The following C19orf67 variants were observed in gnomAD, a reference collection of about 807,000 sequenced individuals.
C19orf67 encodes chromosome 19 open reading frame 67.
In C19orf67, 28 loss-of-function variants were observed where a neutral mutation model predicts 41.4. The ratio of observed to expected loss-of-function variants is 0.68; its 90% CI spans 0.50 to 0.93. C19orf67 has a LOEUF of 0.93. Among genes scored for constraint, C19orf67 ranks in the 40% least tolerant of loss-of-function variants. The pLI is 0.00. For missense variants in C19orf67, 421 were observed against 467.0 expected (o/e 0.90, Z 0.91); for synonymous variants, 242 against 203.4 (o/e 1.19, Z -1.62).
rs1241939079 is a variant in C19orf67 at position 14,083,291 on chromosome 19, TGCC to T, written c.710_712del (p.Trp237_His238delinsTyr). On this transcript the variant is annotated inframe_deletion, in exon 4 of 6. Transcript: ENST00000548523. ...AGGGGCCTCTGGGGTGGCTTCCAGG[TGCC>T]AGCGCATCTTCTTATAGAGGTAGCG... 6.5e-7 allele frequency: 1 copy of T among 1,536,054 alleles called. No homozygotes were observed. Among genetic ancestry groups the T allele is most frequent in the South Asian group, 1.2e-5 (1 of 84,056 alleles).
intron 4 of C19orf67, among the ~76,000 whole-genome samples, 193 bp from the exon 5 acceptor site, chr19:14,082,796 G>A (rs1297103032): frequency 6.6e-6 from 1 of 151,952 alleles, no homozygotes; most frequent in East Asian, 1.9e-4. Context: ...GTGGGAGGGT[G>A]GGTTTTAAGA....
intron 1 of C19orf67, among the ~76,000 whole-genome samples, chr19:14,084,109 C>CTG (rs140690816): frequency 0.035 from 5,394 of 152,236 alleles, 294 homozygotes; most frequent in African/African-American, 0.11. Flanking sequence ...CCAGAGCTTC[C>CTG]TGCAGGGTCT....
intron 5 of C19orf67, 145 bp downstream of exon 5, chr19:14,082,324 G>A: frequency 4.5e-6 from 4 of 895,272 alleles, no homozygotes; most frequent in Non-Finnish European, 6.6e-6. Flanking sequence ...TGTTACTGGG[G>A]TCTGCATGAA....
rs1344832507 is a variant in C19orf67, at chr19:14,085,334, T to C, written c.294A>G (p.Leu98=). 6.5e-7 allele frequency: 1 copy of C among 1,536,160 alleles called. No homozygotes were observed. Among genetic ancestry groups the C allele is most frequent in the South Asian group, 1.2e-5 (1 of 84,058 alleles). The change falls in exon 1 of 6, where the codon CTA becomes CTG. Residue 98 remains leucine, a synonymous_variant. Transcript: ENST00000548523. ...TCTGGAAATCATCTGCCTTCTTCAG[T>C]AGGTAGCGCAGCTGTTGGGTGATGG... ...FSPITQQLRY[L]LKKADDFQSY... is the part of the protein sequence containing the mutation.
rs1458352361 is a variant in C19orf67, at chr19:14,085,524, G to C, written c.104C>G (p.Ser35Cys). 6.5e-7 allele frequency: 1 copy of C among 1,535,454 alleles called. No homozygotes were observed. Among genetic ancestry groups the C allele is most frequent in the East Asian group, 2.4e-5 (1 of 40,902 alleles). The change falls in exon 1 of 6, where the codon TCC (serine) becomes TGC (cysteine). Residue 35 changes from serine to cysteine, a missense_variant. Ser to Cys is a moderately radical substitution (Grantham distance 112). Around this residue, in one of 3 missense-constraint regions of C19orf67, gnomAD observed 160 missense variants for 139.2 expected, o/e 1.15. Coordinates refer to ENST00000548523, the MANE Select transcript of C19orf67 (RefSeq NM_001277378.2). ...EPGTPPCGDP[S>C]RSTPPGRPGN... ...AGGCCTGCCAGGGGGCGTCGACCTG[G>C]AGGGGTCTCCGCAGGGCGGCGTCCC...
chr19:14,083,918 C>T (rs759817882), intron 1 of C19orf67, 41 bp from the exon 2 acceptor site: 9 of 1,288,412 alleles, frequency 7.0e-6, no homozygotes, highest in East Asian at 2.9e-5. Context: ...TCCCTCACAA[C>T]CCCTCCCCAC....
In C19orf67 at chr19:14,085,400, C is replaced by T; in HGVS notation, c.228G>A (p.Gly76=). 6.5e-7 allele frequency: 1 copy of T among 1,536,126 alleles called. No individual in the cohort carries two copies. The highest frequency in any genetic ancestry group is 8.7e-7 in the Non-Finnish European group (1 of 1,146,902). The change falls in exon 1 of 6, where the codon GGG becomes GGA. Residue 76 remains glycine, a synonymous_variant. Coordinates refer to ENST00000548523, the MANE Select transcript of C19orf67 (RefSeq NM_001277378.2). ...CCAGGGATAGGCGGGGAGGTGCTGG[C>T]CCAGGCCGGGGGACCAGAGGTTTGG... The part of the protein sequence containing the change: ...SSPKPLVPRP[G]PAPPRLSLDT...
Position 14,081,831 on chromosome 19 carries a change from G to A in C19orf67, c.*3C>T. The A allele has an allele frequency of 6.6e-7, 1 of 1,518,758 alleles. No homozygotes were observed. The highest frequency in any genetic ancestry group is 8.8e-7 in the Non-Finnish European group (1 of 1,138,668). 94.1% of individuals were successfully genotyped at this position (1,518,758 alleles called of 1,614,324 possible). A position where few individuals can be genotyped will look rare whatever the true frequency, so the allele number is the denominator to read the frequency against. ...GTTCCAGCTCCTACCCTCTTCCCCA[G>A]GTTCAAGACCCCTGCGCTGCCCACC... On this transcript the variant is annotated 3_prime_UTR_variant, in exon 6 of 6. Coordinates refer to ENST00000548523, the MANE Select transcript of C19orf67 (RefSeq NM_001277378.2).
At position 14,083,752 on chromosome 19, in the gene C19orf67, T is replaced by C; in HGVS notation, c.461A>G (p.Gln154Arg). The C allele has an allele frequency of 6.9e-7, 1 of 1,442,916 alleles. No homozygotes were observed. Among genetic ancestry groups the C allele is most frequent in the East Asian group, 2.5e-5 (1 of 39,974 alleles). The allele number at this position is 1,442,916 out of a possible 1,614,324, so 89.4% of individuals were successfully genotyped here. A position where few individuals can be genotyped will look rare whatever the true frequency, so the allele number is the denominator to read the frequency against. ...RSIPPIYGPL[Q>R]ELVRKGLLEI... ...ACACACCCCCTTTCGGACCAGCTCC[T>C]GCAGGGGTCCATAGATGGGGGGTAT... The change falls in exon 2 of 6, where the codon CAG becomes CGG. Residue 154 changes from glutamine (Q) to arginine (R), a missense_variant. Around this residue, in one of 3 missense-constraint regions of C19orf67, gnomAD observed 253 missense variants for 307.0 expected, o/e 0.82. Transcript: ENST00000548523.
At position 14,083,595 on chromosome 19, in the gene C19orf67, A is replaced by G. The variant is rs953718393; in HGVS notation, c.491T>C (p.Ile164Thr). ...CAGGCGCAGGGTCAGCTGTTGGGAG[A>G]TCTCTAACAGCTGCATACAAGAGGG... ...QELVRKGLLE[I>T]SQQLTLRLEQ... The change falls in exon 3 of 6, where the codon ATC (isoleucine) becomes ACC (threonine). Residue 164 changes from isoleucine (I) to threonine (T), a missense_variant. Around this residue, in one of 3 missense-constraint regions of C19orf67, gnomAD observed 253 missense variants for 307.0 expected, o/e 0.82. Coordinates refer to ENST00000548523, the MANE Select transcript of C19orf67 (RefSeq NM_001277378.2). 6.5e-7 allele frequency: 1 copy of G among 1,535,766 alleles called. No homozygotes were observed. The highest frequency in any genetic ancestry group is 8.7e-7 in the Non-Finnish European group (1 of 1,146,734).
intron 1 of C19orf67, among the ~76,000 whole-genome samples, chr19:14,084,438 C>T (rs1361972465): frequency 6.6e-6 from 1 of 150,758 alleles, no homozygotes; most frequent in African/African-American, 2.4e-5. Flanking sequence ...ACCTGGGAGG[C>T]GGAGGTTGCA....
chr19:14,083,570 C>T lies in C19orf67; in HGVS notation c.516G>A (p.Leu172=). 1.3e-6 allele frequency: 2 copies of T among 1,536,086 alleles called. No homozygotes were observed. Among genetic ancestry groups the T allele is most frequent in the Non-Finnish European group, 8.7e-7 (1 of 1,146,892 alleles). Reference sequence around the variant, plus strand: ...AAGCGTACATGAGGACCAGCTGTTCCAGGCGCAGGGTCAGCTGTTGGGAGA... The same window carrying T: ...AAGCGTACATGAGGACCAGCTGTTCTAGGCGCAGGGTCAGCTGTTGGGAGA... ...LEISQQLTLR[L]EQLVLMYASF... The change falls in exon 3 of 6, where the codon CTG becomes CTA. Residue 172 remains leucine, a synonymous_variant. Coordinates refer to ENST00000548523, the MANE Select transcript of C19orf67 (RefSeq NM_001277378.2).
chr19:14,083,620 G>A lies in C19orf67; in HGVS notation c.481-15C>T, dbSNP rs536038600. 5.9e-6 allele frequency: 9 copies of A among 1,535,018 alleles called. No individual in the cohort carries two copies. Among genetic ancestry groups the A allele is most frequent in the African/African-American group, 1.4e-5 (1 of 73,012 alleles). On this transcript the variant is annotated splice_polypyrimidine_tract_variant and intron_variant, in intron 2 of 5. Coordinates refer to ENST00000548523, the MANE Select transcript of C19orf67 (RefSeq NM_001277378.2). ...ATCTCTAACAGCTGCATACAAGAGG[G>A]GGGTACAGTGAGATCAGCTGGCCTG...
At chr19:14,083,707 G>T in intron 2 of C19orf67, 26 bp downstream of exon 2, 2 of 1,487,306 alleles carry the variant, frequency 1.3e-6, no homozygotes, top group Non-Finnish European at 1.8e-6. Context: ...AGAAAGGGGC[G>T]TGGGGTCTAA....
chr19:14,082,358 T>A, intron 5 of C19orf67, 111 bp downstream of exon 5: 1 of 1,235,958 alleles, frequency 8.1e-7, no homozygotes, highest in East Asian at 2.6e-5. Flanking sequence ...CACAATAAAA[T>A]GCTATCACTA....
rs1976840568 is a variant in C19orf67 at position 14,085,427 on chromosome 19, G to A, written c.201C>T (p.Ser67=). The A allele has an allele frequency of 3.3e-6, 5 of 1,535,800 alleles. No homozygotes were observed. The change falls in exon 1 of 6, where the codon TCC becomes TCT. Residue 67 remains serine, a synonymous_variant. Coordinates refer to ENST00000548523, the MANE Select transcript of C19orf67 (RefSeq NM_001277378.2). ...CAGGCCGGGGGACCAGAGGTTTGGG[G>A]GAAGACGTGGAGGCCCGGGCCTCAG... The part of the protein sequence containing the change: ...RLAEARASTS[S]PKPLVPRPGP...
In C19orf67 at chr19:14,083,254, T is replaced by C; in HGVS notation, c.750A>G (p.Gln250=). 2 of 1,536,054 alleles carry C rather than the reference T, an allele frequency of 1.3e-6. No individual in the cohort carries two copies. The highest frequency in any genetic ancestry group is 1.7e-6 in the Non-Finnish European group (2 of 1,146,898). ...EATPEAPGRG[Q]DSLVDYYFLC... is the part of the protein sequence containing the mutation. ...GGACTTACTAATCCACAAGGGAATC[T>C]TGTCCCCGACCAGGGGCCTCTGGGG... The change falls in exon 4 of 6, where the codon CAA becomes CAG. Residue 250 remains glutamine, a synonymous_variant. Coordinates refer to ENST00000548523, the MANE Select transcript of C19orf67 (RefSeq NM_001277378.2).
In C19orf67 at chr19:14,083,248, G is replaced by A. The variant is rs1976796015; in HGVS notation, c.756C>T (p.Ser252=). The A allele has an allele frequency of 6.5e-7, 1 of 1,536,004 alleles. No homozygotes were observed. Among genetic ancestry groups the A allele is most frequent in the Non-Finnish European group, 8.7e-7 (1 of 1,146,862 alleles). The part of the protein sequence containing the change: ...TPEAPGRGQD[S]LVDYYFLCYR... ...GTAAGAGGACTTACTAATCCACAAG[G>A]GAATCTTGTCCCCGACCAGGGGCCT... is the stretch of plus-strand genomic sequence containing the variant. Residue 252 remains serine, a synonymous_variant, in exon 4 of 6, where the codon TCC becomes TCT. Coordinates refer to ENST00000548523, the MANE Select transcript of C19orf67 (RefSeq NM_001277378.2).
In C19orf67 at chr19:14,085,771, G is replaced by A; in HGVS notation, c.-144C>T. Reference sequence around the variant, plus strand: ...GAGCCGCGCCGCCGCGCCGGGGGCCGTTCGCCTCTTTTGAATTTCAACACG... The same window carrying A: ...GAGCCGCGCCGCCGCGCCGGGGGCCATTCGCCTCTTTTGAATTTCAACACG... On this transcript the variant is annotated 5_prime_UTR_variant, in exon 1 of 6. It adds an upstream start codon to the 5' untranslated region. Coordinates refer to ENST00000548523, the MANE Select transcript of C19orf67 (RefSeq NM_001277378.2). 3 of 633,902 alleles carry A rather than the reference G, an allele frequency of 4.7e-6. No individual in the cohort carries two copies. Among genetic ancestry groups the A allele is most frequent in the South Asian group, 3.8e-5 (2 of 51,958 alleles). The allele number at this position is 633,902 out of a possible 1,614,324, so 39.3% of individuals were successfully genotyped here. A position where few individuals can be genotyped will look rare whatever the true frequency, so the allele number is the denominator to read the frequency against.
Sources: allele counts gnomAD v4.1 joint callset (sites outside exome capture counted in the v4.1 genomes callset), GRCh38; gene constraint gnomAD v4.1.1; regional missense constraint gnomAD v4.1.1; transcripts MANE v1.5; gene names NCBI Gene and HGNC (gene_info 2026-07-23, HGNC 2026-07-21).